Variants in NOVA1 observed in about 807,000 individuals in gnomAD.
NOVA1 encodes NOVA alternative splicing regulator 1, also known as RNA-binding protein Nova-1.
In NOVA1, 7 loss-of-function variants were observed where a neutral mutation model predicts 38.0. The observed-to-expected ratio is 0.18, with a 90% confidence interval of 0.10 to 0.35. The LOEUF (loss-of-function observed/expected upper bound fraction) is 0.35. Ranked by LOEUF, NOVA1 falls within the 10% of genes least tolerant of loss-of-function variation. The pLI, the probability that NOVA1 is intolerant of heterozygous loss-of-function variation, is 1.00. For synonymous variants in NOVA1, 270 were observed against 232.5 expected (o/e 1.16, Z -1.47); for missense variants, 460 against 616.0 (o/e 0.75, Z 2.68).
intron 2 of NOVA1, among the ~76,000 whole-genome samples, chr14:26,525,593 C>T (rs538037484): frequency 2.0e-5 from 3 of 152,082 alleles, no homozygotes; most frequent in Non-Finnish European, 4.4e-5. Context: ...TATAATAGGT[C>T]CACATTCTCA....
At chr14:26,590,593 A>G (rs187589193) in intron 2 of NOVA1, among the ~76,000 whole-genome samples, 2 of 151,868 alleles carry the variant, frequency 1.3e-5, no homozygotes, top group Admixed American at 6.6e-5. Context: ...CATAAAATAC[A>G]TAAGTTTTTC....
chr14:26,475,070 AGTT>A (rs1388255023), intron 3 of NOVA1, among the ~76,000 whole-genome samples: 1 of 152,152 alleles, frequency 6.6e-6, no homozygotes, highest in African/African-American at 2.4e-5. Context: ...CAGGTGTGAT[AGTT>A]GTTCTCAACC....
intron 2 of NOVA1, among the ~76,000 whole-genome samples, chr14:26,550,521 T>G (rs1184408871): frequency 6.6e-6 from 1 of 152,138 alleles, no homozygotes; most frequent in Admixed American, 6.6e-5. Context: ...TACAGAAAAT[T>G]ATTACCACAT....
intron 2 of NOVA1, among the ~76,000 whole-genome samples, chr14:26,482,597 T>A (rs1207598839): frequency 6.6e-6 from 1 of 152,218 alleles, no homozygotes; most frequent in Non-Finnish European, 1.5e-5. Context: ...AACAGTAGCA[T>A]TTATTTCTCT....
At chr14:26,584,969 A>T (rs1286878857) in intron 2 of NOVA1, among the ~76,000 whole-genome samples, 1 of 151,426 alleles carries the variant, frequency 6.6e-6, no homozygotes. Flanking sequence ...CGTGGCAAAG[A>T]AGGGCACGGG....
intron 2 of NOVA1, among the ~76,000 whole-genome samples, chr14:26,551,921 A>T (rs988027236): frequency 6.6e-6 from 1 of 152,076 alleles, no homozygotes. Flanking sequence ...ATTACAAAAC[A>T]GTATTATAAA....
intron 2 of NOVA1, among the ~76,000 whole-genome samples, chr14:26,509,976 G>A (rs746865425): frequency 3.3e-5 from 5 of 152,092 alleles, no homozygotes; most frequent in Non-Finnish European, 7.4e-5. Context: ...CACCGCGCCT[G>A]GCCAATATGG....
chr14:26,540,951 G>A (rs1006923870), intron 2 of NOVA1, among the ~76,000 whole-genome samples: 1 of 152,080 alleles, frequency 6.6e-6, no homozygotes, highest in South Asian at 2.1e-4. Flanking sequence ...GGTAAGTAAT[G>A]AGCTAGAGTT....
chr14:26,511,620 T>C (rs1349304348), intron 2 of NOVA1, among the ~76,000 whole-genome samples: 1 of 151,756 alleles, frequency 6.6e-6, no homozygotes, highest in Non-Finnish European at 1.5e-5. Flanking sequence ...GGCGTGGTGG[T>C]GCATGCCTGC....
intron 2 of NOVA1, among the ~76,000 whole-genome samples, chr14:26,547,520 T>G (rs1246391051): frequency 6.6e-6 from 1 of 152,134 alleles, no homozygotes; most frequent in African/African-American, 2.4e-5. Context: ...TCAAGTAAGT[T>G]GCCAAACTTC....
intron 2 of NOVA1, among the ~76,000 whole-genome samples, chr14:26,567,290 A>ATTTT (rs372263187): frequency 9.3e-4 from 87 of 93,686 alleles, no homozygotes; most frequent in East Asian, 1.6e-3. Context: ...GTCTTGTTTA[A>ATTTT]TTTTTTTTTT....
intron 4 of NOVA1, 39 bp downstream of exon 4, chr14:26,472,281 C>A (rs373691624): frequency 1.5e-5 from 19 of 1,260,250 alleles, no homozygotes; most frequent in Middle Eastern, 1.9e-4. Context: ...GGCAATCACC[C>A]GTGAAAAGTA....
chr14:26,582,735 T>C (rs1036346387), intron 2 of NOVA1, among the ~76,000 whole-genome samples: 2 of 151,836 alleles, frequency 1.3e-5, no homozygotes, highest in East Asian at 3.8e-4. Flanking sequence ...ATAGATCTTA[T>C]GCAGATAATT....
At chr14:26,482,521 T>C (rs571499654) in intron 2 of NOVA1, among the ~76,000 whole-genome samples, 1 of 152,274 alleles carries the variant, frequency 6.6e-6, no homozygotes, top group South Asian at 2.1e-4. Flanking sequence ...GCTGGTTTTG[T>C]CATTTTAAAG....
In NOVA1 at chr14:26,443,868, T is replaced by C. The variant is rs1451008828; in HGVS notation, c.*4091A>G. 6.6e-6 allele frequency: 1 copy of C among 152,044 alleles called. No individual in the cohort carries two copies. The highest frequency in any genetic ancestry group is 1.5e-5 in the Non-Finnish European group (1 of 67,958). 9.4% of individuals were successfully genotyped at this position (152,044 alleles called of 1,614,324 possible). The stretch of plus-strand genomic sequence containing the variant: ...ATAGCCATGCTTGCCCTGTATTTAA[T>C]GAGTGATGAATATTTCTCCTACTAA... On this transcript the variant is annotated 3_prime_UTR_variant, in exon 5 of 5. Transcript: ENST00000539517.
At chr14:26,567,290 A>T (rs985041825) in intron 2 of NOVA1, among the ~76,000 whole-genome samples, 7 of 93,694 alleles carry the variant, frequency 7.5e-5, no homozygotes, top group African/African-American at 1.6e-4. Context: ...GTCTTGTTTA[A>T]TTTTTTTTTT....
At chr14:26,590,719 A>G (rs1893792206) in intron 2 of NOVA1, among the ~76,000 whole-genome samples, 1 of 151,750 alleles carries the variant, frequency 6.6e-6, no homozygotes, top group Non-Finnish European at 1.5e-5. Context: ...GTATTGAACT[A>G]TATCACCAAC....
Position 26,505,453 on chromosome 14 carries a change from T to C in NOVA1, c.281-25310A>G, listed in dbSNP as rs550071931. Reference sequence around the variant, plus strand: ...TGTAAAGATGTGCCTTGCTTCCCTTTAGCCTCCCACCATGACTGTAAGTTT... The same window carrying C: ...TGTAAAGATGTGCCTTGCTTCCCTTCAGCCTCCCACCATGACTGTAAGTTT... On this transcript the variant is annotated intron_variant, in intron 2 of 4. Transcript: ENST00000539517. Among the ~76,000 whole-genome samples, 14 of 152,224 alleles carry C rather than the reference T, an allele frequency of 9.2e-5. No individual in the cohort carries two copies. The South Asian group carries it at 2.9e-3, about 32-fold the overall frequency.
At chr14:26,499,096 TA>T (rs1229931503) in intron 2 of NOVA1, among the ~76,000 whole-genome samples, 1 of 152,212 alleles carries the variant, frequency 6.6e-6, no homozygotes, top group East Asian at 1.9e-4. Flanking sequence ...ATGAACTATC[TA>T]ATGTGCTACA....
Sources: gnomAD v4.1 joint callset for allele counts (sites outside exome capture counted in the v4.1 genomes callset) on GRCh38, gnomAD v4.1.1 for gene constraint, MANE v1.5 for transcripts, NCBI Gene and HGNC (gene_info 2026-07-23, HGNC 2026-07-21) for gene names.